Variants in SYT9 observed in about 807,000 individuals in gnomAD.
The protein encoded by SYT9 is synaptotagmin-9.
In SYT9, 22 loss-of-function variants were observed where a neutral mutation model predicts 48.4. That is an observed-to-expected ratio of 0.45 (90% confidence interval 0.32 to 0.65). SYT9 has a LOEUF of 0.65. SYT9 is among the 30% of genes least tolerant of loss of function. The probability of loss-of-function intolerance (pLI) is 0.03; values close to 1 mark genes in which losing one functional copy is unlikely to be tolerated. For synonymous variants in SYT9, 265 were observed against 245.0 expected (o/e 1.08, Z -0.76); for missense variants, 577 against 622.0 (o/e 0.93, Z 0.77).
chr11:7,310,250 C>T (rs1265717128), intron 2 of SYT9, among the ~76,000 whole-genome samples: 1 of 152,096 alleles, frequency 6.6e-6, no homozygotes, highest in Non-Finnish European at 1.5e-5. Context: ...TCTCCTGCCT[C>T]AGCCTCCCAA....
At chr11:7,331,816 A>G (rs1449894829) in intron 3 of SYT9, among the ~76,000 whole-genome samples, 1 of 152,186 alleles carries the variant, frequency 6.6e-6, no homozygotes, top group Non-Finnish European at 1.5e-5. Flanking sequence ...GTGCTCTTCA[A>G]GCATCCTATA....
Position 7,429,184 on chromosome 11 carries a change from C to A in SYT9, c.1467+8549C>A, listed in dbSNP as rs115503783. Among the ~76,000 whole-genome samples the A allele has an allele frequency of 5.3e-3, 802 of 152,314 alleles. 2 individuals carry two copies. The highest frequency in any genetic ancestry group is 0.018 in the African/African-American group (763 of 41,566). Reference sequence around the variant, plus strand: ...ATTTCTGATTAATGATTCTAGGGAGCCTGGCTCCATCCTTGTCTCTGGTGA... The same window carrying A: ...ATTTCTGATTAATGATTCTAGGGAGACTGGCTCCATCCTTGTCTCTGGTGA... On this transcript the variant is annotated intron_variant, in intron 6 of 6. Coordinates refer to ENST00000318881, the MANE Select transcript of SYT9 (RefSeq NM_175733.4).
At chr11:7,428,915 T>G (rs764683083) in intron 6 of SYT9, among the ~76,000 whole-genome samples, 1 of 152,098 alleles carries the variant, frequency 6.6e-6, no homozygotes, top group Non-Finnish European at 1.5e-5. Flanking sequence ...TTCTAAGGAA[T>G]AGAAATTGGG....
intron 3 of SYT9, among the ~76,000 whole-genome samples, chr11:7,323,061 A>G (rs777125798): frequency 9.2e-5 from 14 of 152,130 alleles, no homozygotes; most frequent in Non-Finnish European, 1.6e-4. Flanking sequence ...TCCATATTAT[A>G]TGGTCTACAA....
upstream of SYT9, among the ~76,000 whole-genome samples, chr11:7,247,569 AC>A (rs1329518133): frequency 7.2e-6 from 1 of 139,006 alleles, no homozygotes; most frequent in Non-Finnish European, 1.5e-5. Context: ...ACACATATAT[AC>A]ACATATACAT....
chr11:7,378,125 A>AAG (rs72425488), intron 3 of SYT9, among the ~76,000 whole-genome samples: 6 of 151,780 alleles, frequency 4.0e-5, no homozygotes, highest in Admixed American at 2.6e-4. Flanking sequence ...ATACAAAAAA[A>AAG]AAAAAAATTA....
intron 1 of SYT9, among the ~76,000 whole-genome samples, chr11:7,244,546 G>A (rs953579597): frequency 6.6e-6 from 1 of 151,998 alleles, no homozygotes; most frequent in African/African-American, 2.4e-5. Context: ...TATACTTCAG[G>A]GTCTAAAGCA....
chr11:7,444,052 G>C (rs1421753574), intron 6 of SYT9: 4 of 152,392 alleles, frequency 2.6e-5, no homozygotes, highest in African/African-American at 7.2e-5. Context: ...GAGACTGCCA[G>C]TCTACCTGCA....
intron 1 of SYT9, among the ~76,000 whole-genome samples, chr11:7,262,654 T>C (rs1010878358): frequency 3.3e-5 from 5 of 152,058 alleles, no homozygotes; most frequent in African/African-American, 1.2e-4. Flanking sequence ...AATAAGCAGC[T>C]GTGTCAAGTG....
chr11:7,466,733 A>G (rs1463799242), intron 6 of SYT9, 59 bp from the exon 7 acceptor site: 7 of 1,573,842 alleles, frequency 4.4e-6, no homozygotes, highest in East Asian at 2.3e-5. Context: ...AAAAAAAAAA[A>G]AAAGAAAAAA....
intron 3 of SYT9, among the ~76,000 whole-genome samples, chr11:7,325,010 T>C (rs1405507345): frequency 6.6e-6 from 1 of 152,196 alleles, no homozygotes; most frequent in Non-Finnish European, 1.5e-5. Flanking sequence ...AAATATGATA[T>C]TAGTACTTTT....
At chr11:7,391,240 A>G (rs1360612742) in intron 3 of SYT9, among the ~76,000 whole-genome samples, 1 of 151,910 alleles carries the variant, frequency 6.6e-6, no homozygotes, top group Non-Finnish European at 1.5e-5. Context: ...CCATGTCTTT[A>G]TTATTGTGAA....
intron 1 of SYT9, among the ~76,000 whole-genome samples, chr11:7,269,122 T>C (rs77516389): frequency 0.017 from 2,512 of 152,190 alleles, 23 homozygotes; most frequent in Middle Eastern, 0.041. Context: ...ATTTATTCAT[T>C]TACCAGCTGA....
intron 1 of SYT9, among the ~76,000 whole-genome samples, chr11:7,259,310 G>T (rs1417692426): frequency 2.0e-5 from 3 of 151,956 alleles, no homozygotes; most frequent in Non-Finnish European, 4.4e-5. Context: ...TATTATTGTT[G>T]TGATGACTAT....
rs963321235 is a variant in SYT9, at chr11:7,461,348, G to A, written c.1468-5444G>A. 2.6e-5 allele frequency: 4 copies of A among 151,972 alleles called. No homozygotes were observed. In the East Asian group the frequency reaches 7.7e-4, roughly 29 times the overall value. The allele number at this position is 151,972 out of a possible 1,614,324, so 9.4% of individuals were successfully genotyped here. On this transcript the variant is annotated intron_variant, in intron 6 of 6. Coordinates refer to ENST00000318881, the MANE Select transcript of SYT9 (RefSeq NM_175733.4). ...GACCACACTGAGCCCTTCAAGAATA[G>A]AATGTGCATTATTTATCTTTGTGTT... is the stretch of plus-strand genomic sequence containing the variant.
In SYT9 at chr11:7,344,929, T is replaced by TACACACACACAC. The variant is rs60652691; in HGVS notation, c.1044+31011_1044+31022dup. On this transcript the variant is annotated intron_variant, in intron 3 of 6. Transcript: ENST00000318881. The stretch of plus-strand genomic sequence containing the variant: ...GAATTTTATAATCAGCTCATTATTT[T>TACACACACACAC]ACACACACACACACACACACACACA... 6.6e-3 allele frequency among the ~76,000 whole-genome samples: 978 copies of TACACACACACAC among 149,018 alleles called. 23 individuals are homozygous for TACACACACACAC. Among genetic ancestry groups the TACACACACACAC allele is most frequent in the East Asian group, 0.057 (288 of 5,022 alleles).
chr11:7,402,680 A>ATTTGTTTTT (rs1221425787), intron 3 of SYT9, among the ~76,000 whole-genome samples: 3 of 152,068 alleles, frequency 2.0e-5, no homozygotes, highest in Admixed American at 2.0e-4. Flanking sequence ...ACATGGCCTA[A>ATTTGTTTTT]TTTGTTTTTT....
chr11:7,436,381 G>A (rs2134127112), intron 6 of SYT9, among the ~76,000 whole-genome samples: 1 of 152,308 alleles, frequency 6.6e-6, no homozygotes, highest in East Asian at 1.9e-4. Flanking sequence ...TGGAGGGAGG[G>A]AAAGTGGGGA....
intron 3 of SYT9, among the ~76,000 whole-genome samples, chr11:7,413,256 A>G (rs946406683): frequency 2.0e-5 from 3 of 152,138 alleles, no homozygotes; most frequent in Non-Finnish European, 4.4e-5. Flanking sequence ...AGGGTACACA[A>G]AAGTATCTGG....
Sources: gnomAD v4.1 joint callset for allele counts (sites outside exome capture counted in the v4.1 genomes callset) on GRCh38, gnomAD v4.1.1 for gene constraint, MANE v1.5 for transcripts, NCBI Gene and HGNC (gene_info 2026-07-23, HGNC 2026-07-21) for gene names.